FHOD3: variants seen among roughly 807,000 people sequenced by gnomAD.
FHOD3 encodes formin homology 2 domain containing 3, also known as FH1/FH2 domain-containing protein 3.
FHOD3 carries 90 observed loss-of-function variants against 173.0 expected under a neutral mutation model. The observed-to-expected ratio is 0.52, with a 90% confidence interval of 0.44 to 0.62. The LOEUF is 0.62. FHOD3 is among the 20% of genes least tolerant of loss of function. The probability of loss-of-function intolerance (pLI) is 0.00; values close to 1 mark genes in which losing one functional copy is unlikely to be tolerated. For missense variants in FHOD3, 1,945 were observed against 2,034.7 expected, an observed-to-expected ratio of 0.96 and a Z score of 0.85; for synonymous variants, 828 against 823.0, an observed-to-expected ratio of 1.01 and a Z score of -0.10.
chr18:36,422,351 A>G (rs993468098), intron 3 of FHOD3, among the ~76,000 whole-genome samples: 1 of 152,140 alleles, frequency 6.6e-6, no homozygotes, highest in African/African-American at 2.4e-5. Context: ...ATTCAGTTCC[A>G]TGTATATAGG....
chr18:36,768,273 T>C (rs1266599470), intron 27 of FHOD3, among the ~76,000 whole-genome samples: 1 of 152,268 alleles, frequency 6.6e-6, no homozygotes, highest in East Asian at 1.9e-4. Context: ...AAAGATGTAG[T>C]TCTGGATATA....
chr18:36,777,230 C>T (rs1567978560), intron 28 of FHOD3, among the ~76,000 whole-genome samples: 1 of 130,952 alleles, frequency 7.6e-6, no homozygotes, highest in African/African-American at 3.0e-5. Context: ...TGAGATGGGG[C>T]CTCGCTCTGT....
At chr18:36,744,652 A>G in intron 23 of FHOD3, among the ~76,000 whole-genome samples, 1 of 152,238 alleles carries the variant, frequency 6.6e-6, no homozygotes, top group East Asian at 1.9e-4. Context: ...GGCAGTCCCT[A>G]TGATCTTGCC....
At chr18:36,636,415 T>C (rs1279948736) in intron 10 of FHOD3, among the ~76,000 whole-genome samples, 1 of 152,134 alleles carries the variant, frequency 6.6e-6, no homozygotes, top group African/African-American at 2.4e-5. Flanking sequence ...TAACTCTTCA[T>C]TGATGAAGGT....
intron 3 of FHOD3, among the ~76,000 whole-genome samples, chr18:36,382,722 C>T (rs1433266939): frequency 6.6e-6 from 1 of 152,214 alleles, no homozygotes; most frequent in Admixed American, 6.5e-5. Context: ...ATTCAAACAG[C>T]TGCCTCTGTT....
At chr18:36,706,188 C>T (rs963928712) in intron 17 of FHOD3, among the ~76,000 whole-genome samples, 4 of 152,078 alleles carry the variant, frequency 2.6e-5, no homozygotes, top group African/African-American at 9.7e-5. Context: ...AGGTCTTGGC[C>T]CTCAGACAAC....
chr18:36,566,561 C>G (rs748416247), intron 5 of FHOD3, among the ~76,000 whole-genome samples: 7 of 152,286 alleles, frequency 4.6e-5, no homozygotes, highest in African/African-American at 1.2e-4. Context: ...CCAAGCAAGA[C>G]GGAACCAGAA....
intron 1 of FHOD3, 85 bp downstream of exon 1, chr18:36,298,085 G>C: frequency 7.9e-7 from 1 of 1,259,398 alleles, no homozygotes; most frequent in Non-Finnish European, 1.0e-6. Flanking sequence ...GGCTTCGTGG[G>C]CCCCCTGGGC....
intron 6 of FHOD3, among the ~76,000 whole-genome samples, chr18:36,591,975 TTGAG>T (rs1449255693): frequency 1.3e-5 from 2 of 152,028 alleles, no homozygotes; most frequent in Non-Finnish European, 2.9e-5. Context: ...TCCCAGCACT[TTGAG>T]AGGCCGAGGC....
chr18:36,316,633 TG>T (rs1422179367), intron 1 of FHOD3, among the ~76,000 whole-genome samples: 1 of 152,228 alleles, frequency 6.6e-6, no homozygotes, highest in Non-Finnish European at 1.5e-5. Context: ...ATCTGTAACT[TG>T]AGGATGGACC....
intron 4 of FHOD3, among the ~76,000 whole-genome samples, chr18:36,511,338 G>A (rs2055631269): frequency 6.6e-6 from 1 of 150,476 alleles, no homozygotes; most frequent in Admixed American, 6.6e-5. Context: ...GGTCTGGCTA[G>A]TTAAATGATC....
intron 3 of FHOD3, among the ~76,000 whole-genome samples, chr18:36,483,317 G>C (rs564524963): frequency 6.6e-6 from 1 of 152,300 alleles, no homozygotes; most frequent in East Asian, 1.9e-4. Flanking sequence ...GGCACTGACA[G>C]ATGGACGGCA....
rs9964535 is a variant in FHOD3 at position 36,681,548 on chromosome 18, C to A, written c.1948C>A (p.Arg650=). 6.2e-7 allele frequency: 1 copy of A among 1,612,938 alleles called. No individual in the cohort carries two copies. Among genetic ancestry groups the A allele is most frequent in the Non-Finnish European group, 8.5e-7 (1 of 1,179,610 alleles). ...AGAAGAAAGGTTGCAGAGAATAGAG[C>A]GGGAAGAAAGAAACAAATTCAGGTA... ...EREERLQRIE[R]EERNKFSRDY... The change falls in exon 15 of 29, where the codon CGG becomes AGG. Residue 650 remains arginine (R), a synonymous_variant. Transcript: ENST00000590592.
chr18:36,769,798 C>T (rs563402509), intron 28 of FHOD3, among the ~76,000 whole-genome samples: 112 of 152,238 alleles, frequency 7.4e-4, no homozygotes, highest in African/African-American at 2.6e-3. Flanking sequence ...TGTGTTTCTG[C>T]CCTGCACCCA....
chr18:36,509,145 A>G lies in FHOD3; in HGVS notation c.406-3293A>G, dbSNP rs568705814. Reference sequence around the variant, plus strand: ...ACAAATGACCCGGTTTCTTCAACACACAAATTCCAACAGAAAAGAAAAAAA... The same window carrying G: ...ACAAATGACCCGGTTTCTTCAACACGCAAATTCCAACAGAAAAGAAAAAAA... On this transcript the variant is annotated intron_variant, in intron 4 of 28. Transcript: ENST00000590592. Among the ~76,000 whole-genome samples, 524 of 152,336 alleles carry G rather than the reference A, an allele frequency of 3.4e-3. 3 individuals are homozygous for G. Among genetic ancestry groups the G allele is most frequent in the African/African-American group, 0.012 (489 of 41,544 alleles).
chr18:36,430,772 G>A lies in FHOD3; in HGVS notation c.337+58028G>A, dbSNP rs114509844. Among the ~76,000 whole-genome samples the A allele has an allele frequency of 6.9e-3, 1,046 of 152,268 alleles. 12 individuals are homozygous for A. The highest frequency in any genetic ancestry group is 0.023 in the African/African-American group (947 of 41,542). On this transcript the variant is annotated intron_variant, in intron 3 of 28. Coordinates refer to ENST00000590592, the MANE Select transcript of FHOD3 (RefSeq NM_001281740.3). ...AGATTTAGTTTTGTGGAATAGATTT[G>A]CAAGAGACTCTTGTAAATATCTGTT...
At chr18:36,346,817 T>C (rs1468504191) in intron 1 of FHOD3, among the ~76,000 whole-genome samples, 1 of 152,210 alleles carries the variant, frequency 6.6e-6, no homozygotes, top group Non-Finnish European at 1.5e-5. Context: ...CTAGTCTACT[T>C]TGGGCAGTGA....
chr18:36,518,227 C>T (rs1264109906), intron 5 of FHOD3, among the ~76,000 whole-genome samples: 1 of 152,220 alleles, frequency 6.6e-6, no homozygotes, highest in Non-Finnish European at 1.5e-5. Context: ...AAGGTTAGGT[C>T]TTTGGCTACT....
chr18:36,704,543 G>A (rs77840938), intron 17 of FHOD3, among the ~76,000 whole-genome samples: 4,535 of 152,300 alleles, frequency 0.03, 119 homozygotes, highest in East Asian at 0.11. Flanking sequence ...ATGGTGAGCC[G>A]TGGCATCTCT....
Sources: gnomAD v4.1 joint callset for allele counts (sites outside exome capture counted in the v4.1 genomes callset) on GRCh38, gnomAD v4.1.1 for gene constraint, MANE v1.5 for transcripts, NCBI Gene and HGNC (gene_info 2026-07-23, HGNC 2026-07-21) for gene names.